The following CHRND variants were observed in gnomAD, a reference collection of about 807,000 sequenced individuals.
CHRND encodes cholinergic receptor nicotinic delta subunit.
Under a neutral mutation model 57.8 loss-of-function variants are expected in CHRND, and 40 were observed. The observed-to-expected ratio is 0.69, with a 90% CI of 0.54 to 0.90. The LOEUF is 0.90. CHRND is among the 40% of genes least tolerant of loss of function. The probability of loss-of-function intolerance (pLI) is 0.00; values close to 1 mark genes in which losing one functional copy is unlikely to be tolerated. For missense variants in CHRND, 634 were observed against 673.9 expected, an observed-to-expected ratio of 0.94 and a Z score of 0.66; for synonymous variants, 237 against 270.6, an observed-to-expected ratio of 0.88 and a Z score of 1.22.
At position 232,533,175 on chromosome 2, in the gene CHRND, C is replaced by T. The variant is rs1244322732; in HGVS notation, c.1048-756C>T. 2.0e-5 allele frequency among the ~76,000 whole-genome samples: 3 copies of T among 152,182 alleles called. No individual in the cohort carries two copies. The East Asian group carries it at 5.8e-4, about 29-fold the overall frequency. ...AGCTGGGATTACAGGCGCCCGCCAC[C>T]ATGCCTGGCTAATTTTTGTATTTTT... On this transcript the variant is annotated intron_variant, in intron 9 of 11. Coordinates refer to ENST00000258385, the MANE Select transcript of CHRND (RefSeq NM_000751.3).
chr2:232,528,701 C>T (rs1478431894), intron 5 of CHRND, 45 bp downstream of exon 5: 3 of 1,612,936 alleles, frequency 1.9e-6, no homozygotes, highest in Admixed American at 1.7e-5. Context: ...AGCACCCTGC[C>T]AGAGGCCAAA....
rs546219929 is a variant in CHRND, at chr2:232,530,277, G to A, written c.820+138G>A. On this transcript the variant is annotated intron_variant, in intron 7 of 11. Transcript: ENST00000258385. ...TGGAGCTCCCTGCCTGGATCCAGGT[G>A]TGAGGGCCAGGTGGCCACCCAGAGG... is the stretch of plus-strand genomic sequence containing the variant. The A allele has an allele frequency of 3.7e-4, 337 of 917,992 alleles. 2 individuals carry two copies. The South Asian group carries it at 4.4e-3, about 12-fold the overall frequency. The allele number at this position is 917,992 out of a possible 1,614,324, so 56.9% of individuals were successfully genotyped here. A position where few individuals can be genotyped will look rare whatever the true frequency, so the allele number is the denominator to read the frequency against.
rs761422323 is a variant in CHRND at position 232,536,245 on chromosome 2, G to C, written c.*933G>C. The stretch of plus-strand genomic sequence containing the variant: ...AGTGATGCCCAGTATTCACACCCTT[G>C]TGCAGTCCCCTCACTCTGTACCAGG... On this transcript the variant is annotated 3_prime_UTR_variant, in exon 12 of 12. Coordinates refer to ENST00000258385, the MANE Select transcript of CHRND (RefSeq NM_000751.3). 1 of 454,014 alleles carries C rather than the reference G, an allele frequency of 2.2e-6. No individual in the cohort carries two copies. The highest frequency in any genetic ancestry group is 2.0e-5 in the African/African-American group (1 of 50,004). 28.1% of individuals were successfully genotyped at this position (454,014 alleles called of 1,614,324 possible). A position where few individuals can be genotyped will look rare whatever the true frequency, so the allele number is the denominator to read the frequency against.
Position 232,535,559 on chromosome 2 carries a change from G to T in CHRND, c.*247G>T. ...AGGACGATTTGGGGGGAGGCCCGAG[G>T]CTGGCTCAGGGGCCAGGGAGGAGGC... is the stretch of plus-strand genomic sequence containing the variant. On this transcript the variant is annotated 3_prime_UTR_variant, in exon 12 of 12. Coordinates refer to ENST00000258385, the MANE Select transcript of CHRND (RefSeq NM_000751.3). 1 of 666,740 alleles carries T rather than the reference G, an allele frequency of 1.5e-6. No individual in the cohort carries two copies. Among genetic ancestry groups the T allele is most frequent in the East Asian group, 3.0e-5 (1 of 33,620 alleles). 41.3% of individuals were successfully genotyped at this position (666,740 alleles called of 1,614,324 possible).
chr2:232,528,157 T>A (rs1051175910), intron 3 of CHRND, 105 bp from the exon 4 acceptor site: 7 of 1,082,842 alleles, frequency 6.5e-6, no homozygotes, highest in Non-Finnish European at 9.8e-6. Flanking sequence ...AAACCTCTTT[T>A]GTCACAGCTC....
At chr2:232,527,370 C>A in intron 2 of CHRND, 31 bp from the exon 3 acceptor site, 1 of 1,573,920 alleles carries the variant, frequency 6.4e-7, no homozygotes, top group Non-Finnish European at 8.7e-7. Context: ...ATGATATGGC[C>A]CTGAAGGATG....
rs530814490 is a variant in CHRND at position 232,535,455 on chromosome 2, T to TGA, written c.*144_*145insAG. 1.7e-3 allele frequency: 1,723 copies of TGA among 989,568 alleles called. 10 individuals carry two copies. Among genetic ancestry groups the TGA allele is most frequent in the Non-Finnish European group, 2.0e-3 (1,276 of 647,486 alleles). 61.3% of individuals were successfully genotyped at this position (989,568 alleles called of 1,614,324 possible). ...AAGGGAGGGAGCAGCCACTCCTCAA[T>TGA]GCTCAATGGCTCCCCTGAAATCAAG... On this transcript the variant is annotated 3_prime_UTR_variant, in exon 12 of 12. Transcript: ENST00000258385.
Position 232,533,965 on chromosome 2 carries a change from T to G in CHRND, c.1082T>G (p.Met361Arg). 1 of 1,613,536 alleles carries G rather than the reference T, an allele frequency of 6.2e-7. No homozygotes were observed. Among genetic ancestry groups the G allele is most frequent in the Non-Finnish European group, 8.5e-7 (1 of 1,180,000 alleles). The change falls in exon 10 of 12, where the codon ATG (methionine) becomes AGG (arginine). Residue 361 changes from methionine to arginine, a missense_variant. Met to Arg is a moderately conservative substitution (Grantham distance 91). Transcript: ENST00000258385. The stretch of plus-strand genomic sequence containing the variant: ...GAGACCCTGCCGGAGCTCCTGCACA[T>G]GTCCCGCCCAGCAGAGGATGGACCC... ...FLETLPELLH[M>R]SRPAEDGPSP...
intron 7 of CHRND, 110 bp downstream of exon 7, chr2:232,530,249 TCCTGGAGCTC>T: frequency 8.8e-7 from 1 of 1,136,108 alleles, no homozygotes; most frequent in African/African-American, 1.5e-5. Flanking sequence ...GGGTCTCCAT[TCCTGGAGCTC>T]CCTGCCTGGA....
At chr2:232,530,263 G>A in intron 7 of CHRND, 124 bp downstream of exon 7, 1 of 1,047,154 alleles carries the variant, frequency 9.5e-7, no homozygotes, top group Non-Finnish European at 1.4e-6. Context: ...GGAGCTCCCT[G>A]CCTGGATCCA....
In CHRND at chr2:232,528,650, A is replaced by G. The variant is rs1691573326; in HGVS notation, c.503A>G (p.Lys168Arg). 4 of 1,613,886 alleles carry G rather than the reference A, an allele frequency of 2.5e-6. No homozygotes were observed. Among genetic ancestry groups the G allele is most frequent in the Non-Finnish European group, 3.4e-6 (4 of 1,180,004 alleles). The change falls in exon 5 of 12, where the codon AAG becomes AGG. Residue 168 changes from lysine (K) to arginine (R), a missense_variant. Transcript: ENST00000258385. ...TTCGACTGGCAGAACTGCTCCCTCA[A>G]GTTCAGGTGTGCCCTTTTCTCCAGC... ...FPFDWQNCSL[K>R]FSSLKYTAKE...
chr2:232,527,723 G>A (rs984019619), intron 3 of CHRND, among the ~76,000 whole-genome samples: 2 of 152,166 alleles, frequency 1.3e-5, no homozygotes, highest in East Asian at 1.9e-4. Flanking sequence ...CAGCCTGGGC[G>A]ACAGAACAAG....
rs756862720 is a variant in CHRND, at chr2:232,535,732, T to C, written c.*420T>C. On this transcript the variant is annotated 3_prime_UTR_variant, in exon 12 of 12. Coordinates refer to ENST00000258385, the MANE Select transcript of CHRND (RefSeq NM_000751.3). ...CCCCTCCAGCCTCCCTCTTCCTACCTACCCTTCAACCTCAGGCTTCTGAGG... is the reference window on the plus strand; with the variant it reads ...CCCCTCCAGCCTCCCTCTTCCTACCCACCCTTCAACCTCAGGCTTCTGAGG... 6.3e-5 allele frequency: 29 copies of C among 457,978 alleles called. 1 individual carries two copies. Among genetic ancestry groups the C allele is most frequent in the South Asian group, 4.5e-4 (29 of 64,514 alleles). 28.4% of individuals were successfully genotyped at this position (457,978 alleles called of 1,614,324 possible). A position where few individuals can be genotyped will look rare whatever the true frequency, so the allele number is the denominator to read the frequency against.
At position 232,529,716 on chromosome 2, in the gene CHRND, C is replaced by T. The variant is rs569453885; in HGVS notation, c.620-223C>T. Among the ~76,000 whole-genome samples the T allele has an allele frequency of 9.2e-5, 14 of 152,196 alleles. No individual in the cohort carries two copies. The South Asian group carries it at 1.2e-3, about 14-fold the overall frequency. Reference sequence around the variant, plus strand: ...GTATGGCCTCAGCTTCTATTTTTTCCGAAAAGATAAAAAAGAAATCAGTCA... The same window carrying T: ...GTATGGCCTCAGCTTCTATTTTTTCTGAAAAGATAAAAAAGAAATCAGTCA... On this transcript the variant is annotated intron_variant, in intron 6 of 11. Coordinates refer to ENST00000258385, the MANE Select transcript of CHRND (RefSeq NM_000751.3).
At chr2:232,527,533 A>G in intron 3 of CHRND, 88 bp downstream of exon 3, 1 of 966,464 alleles carries the variant, frequency 1.0e-6, no homozygotes, top group South Asian at 1.3e-5. Context: ...TCACGAGGTC[A>G]GGAGATCAAG....
At chr2:232,530,649 G>A (rs1185845680) in intron 7 of CHRND, among the ~76,000 whole-genome samples, 3 of 152,196 alleles carry the variant, frequency 2.0e-5, no homozygotes, top group African/African-American at 4.8e-5. Flanking sequence ...CCCTGCCCCC[G>A]GCAGGACTTG....
Position 232,528,553 on chromosome 2 carries a change from T to C in CHRND, c.406T>C (p.Tyr136His). The C allele has an allele frequency of 6.2e-7, 1 of 1,614,160 alleles. No individual in the cohort carries two copies. Among genetic ancestry groups the C allele is most frequent in the Non-Finnish European group, 8.5e-7 (1 of 1,180,028 alleles). ...CTCCTGCAACGTGCTTGTCTACCACTACGGCTTCGTGTACTGGCTGCCACC... is the reference window on the plus strand; with the variant it reads ...CTCCTGCAACGTGCTTGTCTACCACCACGGCTTCGTGTACTGGCTGCCACC... ...SYSCNVLVYH[Y>H]GFVYWLPPAI... is the part of the protein sequence containing the mutation. The change falls in exon 5 of 12, where the codon TAC (tyrosine) becomes CAC (histidine). Residue 136 changes from tyrosine to histidine, a missense_variant. By Grantham distance (83) the Tyr-to-His change is moderately conservative. Transcript: ENST00000258385.
intron 11 of CHRND, among the ~76,000 whole-genome samples, chr2:232,534,582 C>A (rs1203805873): frequency 6.6e-6 from 1 of 152,150 alleles, no homozygotes; most frequent in Non-Finnish European, 1.5e-5. Flanking sequence ...CCAGGCCACA[C>A]TCTGAGCATC....
Position 232,528,564 on chromosome 2 carries a change from G to T in CHRND, c.417G>T (p.Val139=), listed in dbSNP as rs771167501. ...TGCTTGTCTACCACTACGGCTTCGT[G>T]TACTGGCTGCCACCTGCCATCTTCC... The part of the protein sequence containing the change: ...CNVLVYHYGF[V]YWLPPAIFRS... Residue 139 remains valine (V), a synonymous_variant, in exon 5 of 12, where the codon GTG becomes GTT. Transcript: ENST00000258385. The T allele has an allele frequency of 6.2e-7, 1 of 1,614,090 alleles. No individual in the cohort carries two copies. Among genetic ancestry groups the T allele is most frequent in the South Asian group, 1.1e-5 (1 of 91,074 alleles).
Sources: gnomAD v4.1 joint callset for allele counts (sites outside exome capture counted in the v4.1 genomes callset) on GRCh38, gnomAD v4.1.1 for gene constraint, MANE v1.5 for transcripts, NCBI Gene and HGNC (gene_info 2026-07-23, HGNC 2026-07-21) for gene names.